The following IGFBPL1 variants were observed in gnomAD, a reference collection of about 807,000 sequenced individuals.
The protein encoded by IGFBPL1 is insulin like growth factor binding protein like 1.
In IGFBPL1, 20 loss-of-function variants were observed where a neutral mutation model predicts 23.9. The observed-to-expected ratio is 0.84, with a 90% CI of 0.59 to 1.22. The LOEUF (loss-of-function observed/expected upper bound fraction) is 1.22, where lower values mean the gene tolerates loss of function less well. Among genes scored for constraint, IGFBPL1 ranks in the 50% most tolerant of loss-of-function variants. The pLI, the probability that IGFBPL1 is intolerant of heterozygous loss-of-function variation, is 0.00. For missense variants in IGFBPL1, 436 were observed against 379.3 expected, an observed-to-expected ratio of 1.15 and a Z score of -1.24; for synonymous variants, 184 against 171.8, an observed-to-expected ratio of 1.07 and a Z score of -0.56.
At chr9:38,415,339 CTGT>C (rs1293792631) in intron 1 of IGFBPL1, among the ~76,000 whole-genome samples, 9 of 152,162 alleles carry the variant, frequency 5.9e-5, no homozygotes, top group African/African-American at 2.2e-4. Flanking sequence ...AAGGACAGCC[CTGT>C]TGTTCTCCAC....
At chr9:38,410,902 G>A (rs944362471) in intron 4 of IGFBPL1, among the ~76,000 whole-genome samples, 9 of 152,220 alleles carry the variant, frequency 5.9e-5, no homozygotes, top group African/African-American at 7.2e-5. Flanking sequence ...AAGGAGATGT[G>A]TTGCAAAGCA....
chr9:38,409,710 C>G (rs753945853), intron 4 of IGFBPL1, among the ~76,000 whole-genome samples: 1 of 152,186 alleles, frequency 6.6e-6, no homozygotes, highest in Admixed American at 6.5e-5. Flanking sequence ...AAACAAGTCA[C>G]ATATCATCAG....
At position 38,408,259 on chromosome 9, in the gene IGFBPL1, A is replaced by C. The variant is rs1355309043; in HGVS notation, c.*968T>G. ...TAGGGAGACCCTGTCTCTACAAAAA[A>C]AAAAAAAAAAAAAAAAAAAATAGCT... On this transcript the variant is annotated 3_prime_UTR_variant, in exon 5 of 5. Transcript: ENST00000377694. 9.6e-6 allele frequency among the ~76,000 whole-genome samples: 1 copy of C among 103,676 alleles called. No homozygotes were observed. The highest frequency in any genetic ancestry group is 1.1e-4 in the Admixed American group (1 of 8,836). 68.0% of individuals were successfully genotyped at this position (103,676 alleles called of 152,430 possible).
chr9:38,422,975 C>G (rs1821702864), intron 1 of IGFBPL1, among the ~76,000 whole-genome samples: 3 of 152,130 alleles, frequency 2.0e-5, no homozygotes, highest in Admixed American at 2.0e-4. Flanking sequence ...GAATTATTTC[C>G]CAGAAGCCTG....
intron 3 of IGFBPL1, among the ~76,000 whole-genome samples, chr9:38,411,907 G>A (rs1821518400): frequency 6.6e-6 from 1 of 152,206 alleles, no homozygotes; most frequent in African/African-American, 2.4e-5. Context: ...GATCCAGAAA[G>A]TATTCCCTAT....
At chr9:38,415,437 G>A (rs1227794792) in intron 1 of IGFBPL1, among the ~76,000 whole-genome samples, 1 of 152,142 alleles carries the variant, frequency 6.6e-6, no homozygotes, top group Non-Finnish European at 1.5e-5. Context: ...GACGGACAGC[G>A]TCGCATCACA....
At chr9:38,419,846 C>A (rs1248122148) in intron 1 of IGFBPL1, among the ~76,000 whole-genome samples, 1 of 148,054 alleles carries the variant, frequency 6.8e-6, no homozygotes, top group East Asian at 2.0e-4. Context: ...CATCCTTCTT[C>A]TTCCTTCTCC....
At chr9:38,413,118 A>G in intron 3 of IGFBPL1, 119 bp downstream of exon 3, 1 of 705,916 alleles carries the variant, frequency 1.4e-6, no homozygotes, top group Non-Finnish European at 2.5e-6. Flanking sequence ...CCTCACAGTT[A>G]CTGGAGGGGC....
rs35229194 is a variant in IGFBPL1, at chr9:38,408,253, C to CAAAAAA, written c.*968_*973dup. ...GCAACATAGGGAGACCCTGTCTCTACAAAAAAAAAAAAAAAAAAAAAAAAA... is the reference window on the plus strand; with the variant it reads ...GCAACATAGGGAGACCCTGTCTCTACAAAAAAAAAAAAAAAAAAAAAAAAAAAAAAA... On this transcript the variant is annotated 3_prime_UTR_variant, in exon 5 of 5. Transcript: ENST00000377694. 2.3e-3 allele frequency among the ~76,000 whole-genome samples: 163 copies of CAAAAAA among 70,178 alleles called. 12 individuals are homozygous for CAAAAAA. The highest frequency in any genetic ancestry group is 3.7e-3 in the Non-Finnish European group (132 of 35,756). 46.0% of individuals were successfully genotyped at this position (70,178 alleles called of 152,430 possible).
intron 4 of IGFBPL1, among the ~76,000 whole-genome samples, chr9:38,409,659 TTATAGA>T (rs1281046599): frequency 3.3e-5 from 5 of 152,190 alleles, no homozygotes; most frequent in Non-Finnish European, 7.3e-5. Flanking sequence ...TATTTGAAAA[TTATAGA>T]TATATATATT....
rs1821442764 is a variant in IGFBPL1, at chr9:38,407,421, T to TC, written c.*1805dup. Among the ~76,000 whole-genome samples, 1 of 152,124 alleles carries TC rather than the reference T, an allele frequency of 6.6e-6. No individual in the cohort carries two copies. The highest frequency in any genetic ancestry group is 2.4e-5 in the African/African-American group (1 of 41,424). On this transcript the variant is annotated 3_prime_UTR_variant, in exon 5 of 5. Transcript: ENST00000377694. ...TCATGTTTCCAGAATCCCAGGCCAG[T>TC]CTCCTTCTGCTGCATAGTACAGAAG... is the stretch of plus-strand genomic sequence containing the variant.
In IGFBPL1 at chr9:38,423,993, G is replaced by A. The variant is rs1171758072; in HGVS notation, c.432C>T (p.His144=). The change falls in exon 1 of 5, where the codon CAC becomes CAT. Residue 144 remains histidine, a synonymous_variant. Transcript: ENST00000377694. The part of the protein sequence containing the change: ...HTPRAHPGHL[H]KARDGPCEFA... ...ACTCGCAAGGGCCGTCGCGCGCCTT[G>A]TGCAGGTGACCGGGGTGCGCGCGGG... is the stretch of plus-strand genomic sequence containing the variant. 3 of 1,411,040 alleles carry A rather than the reference G, an allele frequency of 2.1e-6. No homozygotes were observed. Among genetic ancestry groups the A allele is most frequent in the Non-Finnish European group, 2.7e-6 (3 of 1,092,308 alleles). The allele number at this position is 1,411,040 out of a possible 1,614,324, so 87.4% of individuals were successfully genotyped here.
At chr9:38,409,977 T>C (rs1821487940) in intron 4 of IGFBPL1, among the ~76,000 whole-genome samples, 1 of 152,218 alleles carries the variant, frequency 6.6e-6, no homozygotes, top group African/African-American at 2.4e-5. Context: ...TTTGTTTTTC[T>C]GTGATCCCCT....
intron 1 of IGFBPL1, among the ~76,000 whole-genome samples, chr9:38,419,891 C>CCTCCTT (rs1554661912): frequency 0.15 from 19,385 of 125,650 alleles, 1,359 homozygotes; most frequent in African/African-American, 0.22. Context: ...TCCTCCTCCT[C>CCTCCTT]CTTCTTCTTC....
Position 38,407,823 on chromosome 9 carries a change from A to C in IGFBPL1, c.*1404T>G, listed in dbSNP as rs1460292365. 6.6e-6 allele frequency among the ~76,000 whole-genome samples: 1 copy of C among 152,224 alleles called. No homozygotes were observed. Among genetic ancestry groups the C allele is most frequent in the Non-Finnish European group, 1.5e-5 (1 of 68,042 alleles). Reference sequence around the variant, plus strand: ...TCCTGCCCCATCTCCCAGAGTTGGGATCAAGCTTTATGAACTTAAAGGACT... The same window carrying C: ...TCCTGCCCCATCTCCCAGAGTTGGGCTCAAGCTTTATGAACTTAAAGGACT... On this transcript the variant is annotated 3_prime_UTR_variant, in exon 5 of 5. Coordinates refer to ENST00000377694, the MANE Select transcript of IGFBPL1 (RefSeq NM_001007563.3).
chr9:38,422,537 C>T (rs72707464), intron 1 of IGFBPL1, among the ~76,000 whole-genome samples: 18,413 of 152,214 alleles, frequency 0.12, 1,628 homozygotes, highest in East Asian at 0.43. Flanking sequence ...TGCCACAGGG[C>T]GGAAACCAAC....
chr9:38,419,991 G>T (rs1220172412), intron 1 of IGFBPL1, among the ~76,000 whole-genome samples: 4 of 152,054 alleles, frequency 2.6e-5, no homozygotes, highest in Non-Finnish European at 5.9e-5. Flanking sequence ...CTGGGCTCAA[G>T]AAATCCTCCT....
intron 3 of IGFBPL1, among the ~76,000 whole-genome samples, chr9:38,412,336 G>C (rs1821525310): frequency 6.6e-6 from 1 of 152,156 alleles, no homozygotes; most frequent in Admixed American, 6.5e-5. Context: ...GGCCACAAAG[G>C]CCCTCAGAGG....
chr9:38,411,277 T>A, intron 4 of IGFBPL1, 114 bp downstream of exon 4: 1 of 864,932 alleles, frequency 1.2e-6, no homozygotes, highest in Non-Finnish European at 1.8e-6. Context: ...TTTTGCTCTT[T>A]CCCTGGTTTC....
Sources: gnomAD v4.1 joint callset for allele counts (sites outside exome capture counted in the v4.1 genomes callset) on GRCh38, gnomAD v4.1.1 for gene constraint, MANE v1.5 for transcripts, NCBI Gene and HGNC (gene_info 2026-07-23, HGNC 2026-07-21) for gene names.